Variants in CSRNP3 observed in about 807,000 individuals in gnomAD.
CSRNP3 encodes cysteine and serine rich nuclear protein 3.
A neutral mutation model predicts 48.0 loss-of-function variants in CSRNP3; 12 were observed. The ratio of observed to expected loss-of-function variants is 0.25; its 90% CI spans 0.16 to 0.41. The LOEUF is 0.41. Ranked by LOEUF, CSRNP3 falls within the 10% of genes least tolerant of loss-of-function variation. CSRNP3 has a pLI of 1.00. For synonymous variants in CSRNP3, 263 were observed against 269.7 expected (o/e 0.98, Z 0.24); for missense variants, 580 against 724.4 (o/e 0.80, Z 2.29).
At chr2:165,482,112 C>G (rs1684052108) in intron 1 of CSRNP3, among the ~76,000 whole-genome samples, 1 of 152,004 alleles carries the variant, frequency 6.6e-6, no homozygotes, top group Non-Finnish European at 1.5e-5. Flanking sequence ...AATAAAATAG[C>G]TACTATTAGC....
chr2:165,674,713 T>TATATAA (rs1491404246), intron 5 of CSRNP3, among the ~76,000 whole-genome samples: 10 of 133,284 alleles, frequency 7.5e-5, no homozygotes, highest in Admixed American at 2.3e-4. Flanking sequence ...TATATATATA[T>TATATAA]AATTTGTTTA....
In CSRNP3 at chr2:165,574,432, G is replaced by A. The variant is rs1685417067; in HGVS notation, c.-23-20611G>A. On this transcript the variant is annotated intron_variant, in intron 3 of 6. Transcript: ENST00000651982. The stretch of plus-strand genomic sequence containing the variant: ...CGTAGTCGTTATATAGTGCACGCAG[G>A]TATGGTGACATTTCATGATGCGCCT... The A allele has an allele frequency of 5.8e-6, 9 of 1,541,644 alleles. No homozygotes were observed. In the East Asian group the frequency reaches 2.2e-4, roughly 38 times the overall value.
intron 4 of CSRNP3, among the ~76,000 whole-genome samples, chr2:165,639,035 A>T (rs991395529): frequency 6.6e-6 from 1 of 152,196 alleles, no homozygotes; most frequent in African/African-American, 2.4e-5. Context: ...ACACCTTATT[A>T]AATATATGTT....
Position 165,508,011 on chromosome 2 carries a change from G to A in CSRNP3, c.-112-9862G>A, listed in dbSNP as rs181315977. On this transcript the variant is annotated intron_variant, in intron 2 of 6. Coordinates refer to ENST00000651982, the MANE Select transcript of CSRNP3 (RefSeq NM_001172173.2). ...GAACATATCCATGATAACACTTAAG[G>A]TAGGTGCCATCGACTGCTTGATTAA... 6.6e-5 allele frequency among the ~76,000 whole-genome samples: 10 copies of A among 152,088 alleles called. No homozygotes were observed. The Middle Eastern group carries it at 0.01, about 155-fold the overall frequency.
intron 4 of CSRNP3, among the ~76,000 whole-genome samples, chr2:165,643,357 A>G (rs905866970): frequency 1.3e-5 from 2 of 152,184 alleles, no homozygotes; most frequent in African/African-American, 4.8e-5. Flanking sequence ...CTCTGGGACA[A>G]AGAACAGTCT....
chr2:165,572,303 C>T (rs184929809), intron 3 of CSRNP3: 18 of 152,176 alleles, frequency 1.2e-4, no homozygotes, highest in Non-Finnish European at 2.4e-4. Flanking sequence ...GCCTGGCTCT[C>T]TCAGACAAAA....
At chr2:165,652,103 C>T (rs566289149) in intron 4 of CSRNP3, among the ~76,000 whole-genome samples, 20 of 152,294 alleles carry the variant, frequency 1.3e-4, no homozygotes, top group Non-Finnish European at 2.6e-4. Context: ...ATATGCTGAA[C>T]ATAATGGTGT....
chr2:165,558,678 T>A (rs1286620211), intron 3 of CSRNP3, among the ~76,000 whole-genome samples: 1 of 152,226 alleles, frequency 6.6e-6, no homozygotes, highest in Non-Finnish European at 1.5e-5. Context: ...TTGTTTATTA[T>A]GTAGCCGCAA....
intron 1 of CSRNP3, among the ~76,000 whole-genome samples, chr2:165,479,204 G>C (rs1667540955): frequency 6.6e-6 from 1 of 152,042 alleles, no homozygotes; most frequent in Non-Finnish European, 1.5e-5. Context: ...GGAAAATTAA[G>C]TAACGTAGGC....
At chr2:165,643,096 T>G (rs551636076) in intron 4 of CSRNP3, among the ~76,000 whole-genome samples, 100 of 152,300 alleles carry the variant, frequency 6.6e-4, no homozygotes, top group African/African-American at 2.3e-3. Flanking sequence ...AATTACAAAA[T>G]TTTAACCTAT....
intron 4 of CSRNP3, among the ~76,000 whole-genome samples, chr2:165,644,526 G>T (rs906215609): frequency 6.6e-6 from 1 of 152,164 alleles, no homozygotes; most frequent in Non-Finnish European, 1.5e-5. Context: ...CCAGCAGTGT[G>T]CTGTACCCTG....
chr2:165,576,854 G>C (rs1685459045), intron 3 of CSRNP3, among the ~76,000 whole-genome samples: 1 of 152,018 alleles, frequency 6.6e-6, no homozygotes, highest in Admixed American at 6.6e-5. Context: ...TATGTACTTA[G>C]TCTACTTAAA....
chr2:165,643,973 C>A (rs1324697022), intron 4 of CSRNP3, among the ~76,000 whole-genome samples: 1 of 152,174 alleles, frequency 6.6e-6, no homozygotes, highest in Admixed American at 6.5e-5. Flanking sequence ...CACTAATTGA[C>A]TGCTAACGGC....
At chr2:165,642,135 C>CACAT (rs1377619060) in intron 4 of CSRNP3, among the ~76,000 whole-genome samples, 2 of 150,794 alleles carry the variant, frequency 1.3e-5, no homozygotes, top group African/African-American at 4.9e-5. Context: ...CACACACACA[C>CACAT]ACACACACAC....
At chr2:165,615,757 C>T (rs1686229036) in intron 4 of CSRNP3, among the ~76,000 whole-genome samples, 5 of 151,498 alleles carry the variant, frequency 3.3e-5, no homozygotes, top group Admixed American at 3.3e-4. Context: ...TTTTTTGAGA[C>T]AGGGTCTCTC....
At chr2:165,623,305 T>C (rs1686373003) in intron 4 of CSRNP3, among the ~76,000 whole-genome samples, 3 of 152,026 alleles carry the variant, frequency 2.0e-5, no homozygotes, top group African/African-American at 7.2e-5. Context: ...GAGCTACGCC[T>C]CTTGTCAGAT....
At chr2:165,475,966 A>G (rs1683957649) in intron 1 of CSRNP3, among the ~76,000 whole-genome samples, 1 of 152,212 alleles carries the variant, frequency 6.6e-6, no homozygotes, top group South Asian at 2.1e-4. Flanking sequence ...ATCATATACT[A>G]AATCAATGGG....
rs115097676 is a variant in CSRNP3 at position 165,553,994 on chromosome 2, G to C, written c.-24+36033G>C. 1.4e-3 allele frequency among the ~76,000 whole-genome samples: 218 copies of C among 152,264 alleles called. 1 individual carries two copies. The highest frequency in any genetic ancestry group is 3.4e-3 in the Middle Eastern group (1 of 294). ...GCTATTTATCCTCTGATCAGGCATTGTCTTTACAACTTCATCAAAACTGCT... is the reference window on the plus strand; with the variant it reads ...GCTATTTATCCTCTGATCAGGCATTCTCTTTACAACTTCATCAAAACTGCT... On this transcript the variant is annotated intron_variant, in intron 3 of 6. Coordinates refer to ENST00000651982, the MANE Select transcript of CSRNP3 (RefSeq NM_001172173.2).
intron 3 of CSRNP3, among the ~76,000 whole-genome samples, chr2:165,590,989 G>T (rs1685707807): frequency 6.6e-6 from 1 of 152,176 alleles, no homozygotes; most frequent in Non-Finnish European, 1.5e-5. Context: ...CAACAGTTTG[G>T]AGGGCTCAGA....
Sources: allele counts gnomAD v4.1 joint callset (sites outside exome capture counted in the v4.1 genomes callset), GRCh38; gene constraint gnomAD v4.1.1; transcripts MANE v1.5; gene names NCBI Gene and HGNC (gene_info 2026-07-23, HGNC 2026-07-21).